The following NRDE2 variants were observed in gnomAD, a reference collection of about 807,000 sequenced individuals.
The protein encoded by NRDE2 is NRDE-2, necessary for RNA interference, domain containing.
A neutral mutation model predicts 124.2 loss-of-function variants in NRDE2; 76 were observed. That is an observed-to-expected ratio of 0.61 (90% confidence interval 0.51 to 0.74). The LOEUF is 0.74. NRDE2 is among the 30% of genes least tolerant of loss of function. NRDE2 has a pLI of 0.00. For synonymous variants in NRDE2, 489 were observed against 528.1 expected (o/e 0.93, Z 1.01); for missense variants, 1,314 against 1,417.3 (o/e 0.93, Z 1.17).
intron 5 of NRDE2, 147 bp downstream of exon 5, chr14:90,303,788 G>A (rs1292334732): frequency 7.1e-6 from 5 of 707,282 alleles, no homozygotes; most frequent in African/African-American, 1.8e-5. Context: ...CTTTGAGCGA[G>A]CTCAGGGCAA....
At chr14:90,316,358 TAA>T (rs1885047700) in intron 3 of NRDE2, among the ~76,000 whole-genome samples, 4 of 152,348 alleles carry the variant, frequency 2.6e-5, no homozygotes, top group East Asian at 1.9e-4. Context: ...ACTTTTTGTC[TAA>T]AAGAGATTCA....
At chr14:90,301,393 G>A in intron 6 of NRDE2, 21 bp from the exon 7 acceptor site, 3 of 1,612,904 alleles carry the variant, frequency 1.9e-6, no homozygotes, top group South Asian at 2.2e-5. Flanking sequence ...GAGGGCAAAG[G>A]GGAAGAAGCC....
At position 90,269,786 on chromosome 14, in the gene NRDE2, T is replaced by G; in HGVS notation, c.*8550A>C. 3 of 430,186 alleles carry G rather than the reference T, an allele frequency of 7.0e-6. No homozygotes were observed. Among genetic ancestry groups the G allele is most frequent in the Non-Finnish European group, 1.2e-5 (3 of 245,936 alleles). 26.6% of individuals were successfully genotyped at this position (430,186 alleles called of 1,614,324 possible). A position where few individuals can be genotyped will look rare whatever the true frequency, so the allele number is the denominator to read the frequency against. ...GTCTTGTCTTTTCTTTTCCATAACA[T>G]TCCCTTTTTAGCCTCAAGAACTTGC... On this transcript the variant is annotated 3_prime_UTR_variant, in exon 14 of 14. Transcript: ENST00000354366.
In NRDE2 at chr14:90,268,162, T is replaced by C. The variant is rs1891566880; in HGVS notation, c.*10174A>G. On this transcript the variant is annotated 3_prime_UTR_variant, in exon 14 of 14. Transcript: ENST00000354366. ...CCATTTAAGGTGGTAATGATACGAG[T>C]TTTTAAGTTAAAATGGCACTTAAGG... 7.2e-7 allele frequency: 1 copy of C among 1,387,888 alleles called. No homozygotes were observed. The highest frequency in any genetic ancestry group is 2.7e-5 in the Admixed American group (1 of 36,782). The allele number at this position is 1,387,888 out of a possible 1,614,324, so 86.0% of individuals were successfully genotyped here.
At chr14:90,323,222 C>T (rs1268638969) in intron 1 of NRDE2, among the ~76,000 whole-genome samples, 4 of 152,136 alleles carry the variant, frequency 2.6e-5, no homozygotes, top group South Asian at 2.1e-4. Flanking sequence ...AATGAATCAT[C>T]GCTGAATAAT....
Position 90,290,218 on chromosome 14 carries a change from T to C in NRDE2, c.2229+3A>G. 1 of 1,610,830 alleles carries C rather than the reference T, an allele frequency of 6.2e-7. No homozygotes were observed. The highest frequency in any genetic ancestry group is 8.5e-7 in the Non-Finnish European group (1 of 1,177,512). ...AAACATGGGAGGACGAGTCTGGAAT[T>C]ACCTTTGCAATCTCATACTGTAACC... On this transcript the variant is annotated splice_donor_region_variant and intron_variant, in intron 10 of 13. Transcript: ENST00000354366.
At chr14:90,314,870 C>G (rs149125114) in intron 3 of NRDE2, among the ~76,000 whole-genome samples, 29 of 152,050 alleles carry the variant, frequency 1.9e-4, no homozygotes, top group Admixed American at 1.8e-3. Flanking sequence ...ATTTTTTCCT[C>G]TAAAGAGCAA....
chr14:90,331,369 T>C (rs912732919), intron 1 of NRDE2, among the ~76,000 whole-genome samples: 6 of 152,230 alleles, frequency 3.9e-5, no homozygotes, highest in African/African-American at 1.4e-4. Flanking sequence ...AGAGAGAAAC[T>C]GATTAGGTTT....
rs1885065998 is a variant in NRDE2, at chr14:90,316,798, AT to A, written c.186del (p.Lys62AsnfsTer97). The A allele has an allele frequency of 1.9e-6, 3 of 1,601,776 alleles. No individual in the cohort carries two copies. The highest frequency in any genetic ancestry group is 2.7e-5 in the African/African-American group (2 of 73,920). On this transcript the variant is annotated frameshift_variant, in exon 3 of 14. Coordinates refer to ENST00000354366, the MANE Select transcript of NRDE2 (RefSeq NM_017970.4). LOFTEE classifies it high-confidence loss of function. ...EGLPLTRSHL[K>X]SESSDESDTN... ...GTGTCACTTTCATCTGAAGACTCTG[AT>A]TTCAGATGACTCCTGTTTGGGAAAA...
chr14:90,313,149 C>T (rs543928846), intron 3 of NRDE2, among the ~76,000 whole-genome samples: 39 of 111,732 alleles, frequency 3.5e-4, no homozygotes, highest in Admixed American at 1.1e-3. Context: ...TTTTTTGAGA[C>T]GGAGTCTCGC....
chr14:90,331,711 C>T (rs1055068001), intron 1 of NRDE2, 130 bp downstream of exon 1: 1 of 1,053,160 alleles, frequency 9.5e-7, no homozygotes, highest in African/African-American at 1.6e-5. Context: ...TCCCAGAAGG[C>T]TTTGCAGCGC....
chr14:90,281,321 T>C (rs1323252727), intron 12 of NRDE2: 1 of 152,346 alleles, frequency 6.6e-6, no homozygotes, highest in Non-Finnish European at 1.5e-5. Context: ...AGCTAAGGTG[T>C]GGGGAATGCT....
intron 4 of NRDE2, chr14:90,304,653 C>T (rs1884536082): frequency 2.8e-6 from 1 of 357,412 alleles, no homozygotes; most frequent in Non-Finnish European, 5.1e-6. Flanking sequence ...TTAGTAATTT[C>T]TATTTTCCTG....
chr14:90,317,793 A>T, intron 2 of NRDE2: 1 of 422,570 alleles, frequency 2.4e-6, no homozygotes, highest in Non-Finnish European at 4.2e-6. Flanking sequence ...GCCTAATTAC[A>T]GGCACTAACT....
Position 90,268,191 on chromosome 14 carries a change from C to CTTTTTT in NRDE2, c.*10139_*10144dup. 2 of 1,303,802 alleles carry CTTTTTT rather than the reference C, an allele frequency of 1.5e-6. No homozygotes were observed. Among genetic ancestry groups the CTTTTTT allele is most frequent in the South Asian group, 1.5e-5 (1 of 68,652 alleles). The allele number at this position is 1,303,802 out of a possible 1,614,324, so 80.8% of individuals were successfully genotyped here. A position where few individuals can be genotyped will look rare whatever the true frequency, so the allele number is the denominator to read the frequency against. Reference sequence around the variant, plus strand: ...TAAGTTAAAATGGCACTTAAGGTGTCTTTTTTTTTTTTATCTTTTTCATCC... The same window carrying CTTTTTT: ...TAAGTTAAAATGGCACTTAAGGTGTCTTTTTTTTTTTTTTTTTTATCTTTTTCATCC... On this transcript the variant is annotated 3_prime_UTR_variant, in exon 14 of 14. Coordinates refer to ENST00000354366, the MANE Select transcript of NRDE2 (RefSeq NM_017970.4).
rs543584405 is a variant in NRDE2 at position 90,321,126 on chromosome 14, T to G, written c.65-3013A>C. On this transcript the variant is annotated intron_variant, in intron 1 of 13. Transcript: ENST00000354366. ...CTCTCAAACAATTCCAGTATATTTC[T>G]ATATAAATATTCTAGATAGTGATGA... 2.6e-5 allele frequency among the ~76,000 whole-genome samples: 4 copies of G among 152,336 alleles called. No homozygotes were observed. In the East Asian group the frequency reaches 7.7e-4, roughly 29 times the overall value.
intron 12 of NRDE2, among the ~76,000 whole-genome samples, chr14:90,281,913 C>T (rs986747139): frequency 1.3e-5 from 2 of 152,176 alleles, no homozygotes; most frequent in African/African-American, 4.8e-5. Flanking sequence ...TTCCCTCCCA[C>T]CAGCTCTTGT....
In NRDE2 at chr14:90,318,084, A is replaced by G; in HGVS notation, c.94T>C (p.Cys32Arg). 1 of 1,614,128 alleles carries G rather than the reference A, an allele frequency of 6.2e-7. No homozygotes were observed. Among genetic ancestry groups the G allele is most frequent in the Non-Finnish European group, 8.5e-7 (1 of 1,180,000 alleles). The change falls in exon 2 of 14, where the codon TGT becomes CGT. Residue 32 changes from cysteine (C) to arginine (R), a missense_variant. Physicochemically the swap from Cys to Arg is radical, Grantham distance 180. Transcript: ENST00000354366. ...CTCAGGGACGTTATGGATCCAACAC[A>G]AAAGCTTGGGTTGCTCAGCCAGTCT... is the stretch of plus-strand genomic sequence containing the variant. ...ELDWLSNPSF[C>R]VGSITSLSQQ... is the part of the protein sequence containing the mutation.
Position 90,292,088 on chromosome 14 carries a change from G to C in NRDE2, c.1842+609C>G, listed in dbSNP as rs559117180. Among the ~76,000 whole-genome samples the C allele has an allele frequency of 5.3e-5, 8 of 152,294 alleles. No homozygotes were observed. In the South Asian group the frequency reaches 1.7e-3, roughly 32 times the overall value. On this transcript the variant is annotated intron_variant, in intron 9 of 13. Coordinates refer to ENST00000354366, the MANE Select transcript of NRDE2 (RefSeq NM_017970.4). ...CCAGAGCTGCTGGCCACTAAACACA[G>C]AGCAGCATGTAACAAGTCACACGGT...
Sources: allele counts gnomAD v4.1 joint callset (sites outside exome capture counted in the v4.1 genomes callset), GRCh38; gene constraint gnomAD v4.1.1; transcripts MANE v1.5; gene names NCBI Gene and HGNC (gene_info 2026-07-23, HGNC 2026-07-21).